Variants in CRTC1 observed in about 807,000 individuals in gnomAD.
CRTC1 encodes the protein CREB regulated transcription coactivator 1, also known as CREB-regulated transcription coactivator 1.
In CRTC1, 18 loss-of-function variants were observed where a neutral mutation model predicts 66.1. The observed-to-expected ratio is 0.27, with a 90% CI of 0.19 to 0.40. The LOEUF is 0.40. CRTC1 is among the 10% of genes least tolerant of loss of function. The probability of loss-of-function intolerance (pLI) is 1.00; values close to 1 mark genes in which losing one functional copy is unlikely to be tolerated. For missense variants in CRTC1, 669 were observed against 887.9 expected, an observed-to-expected ratio of 0.75 and a Z score of 3.13; for synonymous variants, 416 against 398.8, an observed-to-expected ratio of 1.04 and a Z score of -0.51.
chr19:18,736,764 C>T (rs2054005643), intron 1 of CRTC1, among the ~76,000 whole-genome samples: 1 of 150,406 alleles, frequency 6.6e-6, no homozygotes, highest in Non-Finnish European at 1.5e-5. Context: ...CCCTGGCCCC[C>T]CCACAGGGAG....
At chr19:18,719,158 G>T (rs2053568965) in intron 1 of CRTC1, among the ~76,000 whole-genome samples, 2 of 152,316 alleles carry the variant, frequency 1.3e-5, no homozygotes, top group South Asian at 4.1e-4. Flanking sequence ...TCCAGCCTCT[G>T]TCCCTGCTTC....
intron 1 of CRTC1, among the ~76,000 whole-genome samples, chr19:18,719,630 G>T (rs1337524632): frequency 6.6e-6 from 1 of 152,250 alleles, no homozygotes; most frequent in Non-Finnish European, 1.5e-5. Flanking sequence ...CAGAGAGGCG[G>T]GTTCAGCCCA....
chr19:18,734,172 G>C (rs977995680), intron 1 of CRTC1, among the ~76,000 whole-genome samples: 1 of 152,058 alleles, frequency 6.6e-6, no homozygotes, highest in African/African-American at 2.4e-5. Context: ...CAGGGGCTGG[G>C]GGAGGGGAAT....
chr19:18,728,820 T>TTTTTTTTTTTTTTTTTTTTTTC (rs2053819631), intron 1 of CRTC1, among the ~76,000 whole-genome samples: 1 of 132,384 alleles, frequency 7.6e-6, no homozygotes, highest in Non-Finnish European at 1.6e-5. Flanking sequence ...CTGGCCTTTT[T>TTTTTTTTTTTTTTTTTTTTTTC]TTTTTTTTTT....
At chr19:18,767,370 T>C (rs1600997194) in intron 9 of CRTC1, among the ~76,000 whole-genome samples, 1 of 152,048 alleles carries the variant, frequency 6.6e-6, no homozygotes, top group Admixed American at 6.5e-5. Context: ...AGCTGAGTTT[T>C]GTATTTTTAG....
intron 1 of CRTC1, among the ~76,000 whole-genome samples, chr19:18,742,118 A>T (rs2054124894): frequency 6.6e-6 from 1 of 152,298 alleles, no homozygotes; most frequent in Middle Eastern, 3.4e-3. Flanking sequence ...GGGTCGTGCC[A>T]CATGGGTCAG....
intron 4 of CRTC1, among the ~76,000 whole-genome samples, chr19:18,748,444 C>T (rs2054293419): frequency 1.4e-5 from 2 of 143,780 alleles, no homozygotes; most frequent in African/African-American, 5.1e-5. Flanking sequence ...GTCTCAAACT[C>T]CTGGGCCCAA....
At chr19:18,709,792 A>T (rs2053347798) in intron 1 of CRTC1, among the ~76,000 whole-genome samples, 1 of 152,140 alleles carries the variant, frequency 6.6e-6, no homozygotes, top group Non-Finnish European at 1.5e-5. Context: ...CCGAGGGCTG[A>T]GGCCGGGGAC....
chr19:18,755,203 G>A lies in CRTC1; in HGVS notation c.624+1618G>A, dbSNP rs144572418. Among the ~76,000 whole-genome samples, 857 of 152,132 alleles carry A rather than the reference G, an allele frequency of 5.6e-3. 6 individuals carry two copies. Among genetic ancestry groups the A allele is most frequent in the African/African-American group, 0.016 (669 of 41,500 alleles). ...AGGGTTTCACCATGTTGGCCAGGCT[G>A]GTCTCAAACTCCTGACCTCAAGTGA... On this transcript the variant is annotated intron_variant, in intron 6 of 13. Coordinates refer to ENST00000321949, the MANE Select transcript of CRTC1 (RefSeq NM_015321.3).
intron 1 of CRTC1, among the ~76,000 whole-genome samples, chr19:18,706,222 T>G (rs1479574620): frequency 1.1e-4 from 13 of 119,170 alleles, no homozygotes; most frequent in Non-Finnish European, 2.0e-4. Context: ...TTTTTTTTTT[T>G]TAGACAGAGT....
intron 12 of CRTC1, 77 bp from the exon 13 acceptor site, chr19:18,775,564 C>G: frequency 7.6e-7 from 1 of 1,323,264 alleles, no homozygotes; most frequent in Non-Finnish European, 1.0e-6. Context: ...AGGACAGCCA[C>G]AGCAGCCAAG....
chr19:18,691,164 C>T (rs1169744617), intron 1 of CRTC1, among the ~76,000 whole-genome samples: 1 of 149,718 alleles, frequency 6.7e-6, no homozygotes, highest in African/African-American at 2.5e-5. Context: ...ATCACTCCAG[C>T]CTGGGTGACA....
intron 1 of CRTC1, among the ~76,000 whole-genome samples, chr19:18,717,828 G>T (rs1479085041): frequency 1.3e-5 from 2 of 152,056 alleles, no homozygotes; most frequent in Non-Finnish European, 2.9e-5. Flanking sequence ...CCAGACACGG[G>T]GGTGCGTGTG....
chr19:18,748,136 G>A (rs1466392197), intron 4 of CRTC1, among the ~76,000 whole-genome samples: 2 of 152,034 alleles, frequency 1.3e-5, no homozygotes, highest in Non-Finnish European at 1.5e-5. Flanking sequence ...ATAGATCATG[G>A]TTGTACAACA....
At chr19:18,693,284 G>A (rs1001130978) in intron 1 of CRTC1, among the ~76,000 whole-genome samples, 1 of 151,178 alleles carries the variant, frequency 6.6e-6, no homozygotes, top group African/African-American at 2.4e-5. Context: ...AGCTACTTGG[G>A]AGGGTGAGGC....
chr19:18,700,050 G>A (rs762869871), intron 1 of CRTC1, among the ~76,000 whole-genome samples: 2 of 152,156 alleles, frequency 1.3e-5, no homozygotes, highest in African/African-American at 2.4e-5. Flanking sequence ...GGTTGGCGAC[G>A]GGAGGGTTAT....
intron 13 of CRTC1, among the ~76,000 whole-genome samples, 181 bp downstream of exon 13, chr19:18,776,002 C>CA (rs2054980821): frequency 6.8e-6 from 1 of 146,622 alleles, no homozygotes; most frequent in South Asian, 2.1e-4. Flanking sequence ...TCCTGGGCTT[C>CA]GGGCCAGGCC....
chr19:18,704,624 A>AT lies in CRTC1; in HGVS notation c.126+20797dup, dbSNP rs557060750. Among the ~76,000 whole-genome samples, 65 of 152,240 alleles carry AT rather than the reference A, an allele frequency of 4.3e-4. 2 individuals are homozygous for AT. The South Asian group carries it at 8.5e-3, about 20-fold the overall frequency. On this transcript the variant is annotated intron_variant, in intron 1 of 13. Transcript: ENST00000321949. ...CTACTCGGGATGCTGAGGCAGGAGA[A>AT]TCGCTTGAACCCTGGAGGCAGAGGT... is the stretch of plus-strand genomic sequence containing the variant.
chr19:18,762,693 G>A (rs1184919182), intron 8 of CRTC1, among the ~76,000 whole-genome samples: 1 of 152,224 alleles, frequency 6.6e-6, no homozygotes, highest in African/African-American at 2.4e-5. Context: ...GCCCGCTCCA[G>A]ACTTCCCCTC....
Sources: allele counts gnomAD v4.1 joint callset (sites outside exome capture counted in the v4.1 genomes callset), GRCh38; gene constraint gnomAD v4.1.1; transcripts MANE v1.5; gene names NCBI Gene and HGNC (gene_info 2026-07-23, HGNC 2026-07-21).